Variants in PHACTR3 observed in about 807,000 individuals in gnomAD.
PHACTR3 encodes phosphatase and actin regulator 3.
In PHACTR3, 16 loss-of-function variants were observed where a neutral mutation model predicts 66.8. The ratio of observed to expected loss-of-function variants is 0.24; its 90% CI spans 0.16 to 0.36. The LOEUF (loss-of-function observed/expected upper bound fraction) is 0.36, where lower values mean the gene tolerates loss of function less well. Among genes scored for constraint, PHACTR3 ranks in the 10% least tolerant of loss-of-function variants. PHACTR3 has a pLI of 1.00. For synonymous variants in PHACTR3, 323 were observed against 292.1 expected (o/e 1.11, Z -1.08); for missense variants, 647 against 719.9 (o/e 0.90, Z 1.16).
intron 1 of PHACTR3, among the ~76,000 whole-genome samples, chr20:59,681,934 CA>C (rs1232290906): frequency 6.6e-6 from 1 of 151,752 alleles, no homozygotes; most frequent in East Asian, 1.9e-4. Context: ...CATTTGAACC[CA>C]GGGGGTGGAG....
intron 2 of PHACTR3, among the ~76,000 whole-genome samples, chr20:59,745,934 T>G (rs1010858263): frequency 6.6e-6 from 1 of 152,210 alleles, no homozygotes; most frequent in Admixed American, 6.5e-5. Context: ...TGTCTGAGGC[T>G]AGCCACCATG....
At chr20:59,789,530 G>A (rs756035814) in intron 7 of PHACTR3, among the ~76,000 whole-genome samples, 1 of 152,186 alleles carries the variant, frequency 6.6e-6, no homozygotes, top group Non-Finnish European at 1.5e-5. Context: ...CATACCTTAA[G>A]GCTTTGTTCA....
chr20:59,654,567 C>T (rs982344869), intron 1 of PHACTR3, among the ~76,000 whole-genome samples: 23 of 152,084 alleles, frequency 1.5e-4, no homozygotes, highest in Non-Finnish European at 2.4e-4. Flanking sequence ...TAAACCACTG[C>T]CTCTAAAGGA....
chr20:59,812,569 C>T (rs1030033902), intron 8 of PHACTR3, among the ~76,000 whole-genome samples: 8 of 152,190 alleles, frequency 5.3e-5, no homozygotes, highest in African/African-American at 9.7e-5. Flanking sequence ...ACAGTGTCCC[C>T]GCAGAGGCTG....
chr20:59,794,123 CAAAAAAAAAAA>C (rs71183186), intron 7 of PHACTR3, among the ~76,000 whole-genome samples: 6 of 97,858 alleles, frequency 6.1e-5, no homozygotes, highest in African/African-American at 2.2e-4. Context: ...GACTCCATCT[CAAAAAAAAAAA>C]AAAAAAAAAG....
chr20:59,745,319 A>G (rs2039327248), intron 2 of PHACTR3, among the ~76,000 whole-genome samples: 1 of 152,104 alleles, frequency 6.6e-6, no homozygotes. Flanking sequence ...TGCTGACCCC[A>G]GCAGTGGAAC....
chr20:59,847,233 T>TG lies in PHACTR3; in HGVS notation c.*104dup. 1.2e-6 allele frequency: 1 copy of TG among 823,288 alleles called. No homozygotes were observed. 51.0% of individuals were successfully genotyped at this position (823,288 alleles called of 1,614,324 possible). On this transcript the variant is annotated 3_prime_UTR_variant, in exon 13 of 13. Transcript: ENST00000371015. Reference sequence around the variant, plus strand: ...TTCAGCTCAAGACTACCCTACCTGCTGTGTTTGTGAGAAGAGTAGGATCAC... The same window carrying TG: ...TTCAGCTCAAGACTACCCTACCTGCTGGTGTTTGTGAGAAGAGTAGGATCAC...
At chr20:59,761,341 G>A (rs969432114) in intron 4 of PHACTR3, among the ~76,000 whole-genome samples, 5 of 152,108 alleles carry the variant, frequency 3.3e-5, no homozygotes, top group South Asian at 2.1e-4. Context: ...GCTGGGCACC[G>A]AGTGGAGGAA....
chr20:59,844,150 A>G (rs965865003), intron 11 of PHACTR3: 1 of 152,144 alleles, frequency 6.6e-6, no homozygotes, highest in Non-Finnish European at 1.5e-5. Context: ...TAGAATAGTT[A>G]TTAAAAAAAT....
intron 1 of PHACTR3, among the ~76,000 whole-genome samples, chr20:59,587,698 T>G (rs73914198): frequency 7.3e-4 from 111 of 152,288 alleles, no homozygotes; most frequent in African/African-American, 2.4e-3. Flanking sequence ...CTTGAGGCTG[T>G]AGGACTGAGG....
At chr20:59,775,989 A>T (rs950892699) in intron 7 of PHACTR3, among the ~76,000 whole-genome samples, 1 of 152,188 alleles carries the variant, frequency 6.6e-6, no homozygotes, top group Non-Finnish European at 1.5e-5. Flanking sequence ...AAATGTCTCC[A>T]GACTTGGCCA....
At chr20:59,618,538 T>G (rs1339776476) in intron 1 of PHACTR3, among the ~76,000 whole-genome samples, 2 of 152,286 alleles carry the variant, frequency 1.3e-5, no homozygotes, top group East Asian at 3.9e-4. Context: ...GGGACTACAT[T>G]GCCCGGAGGA....
intron 1 of PHACTR3, among the ~76,000 whole-genome samples, chr20:59,623,015 C>T (rs762722230): frequency 1.6e-3 from 36 of 23,164 alleles, no homozygotes; most frequent in Non-Finnish European, 3.1e-3. Context: ...AAATCTTCAG[C>T]AAACACTCAG....
In PHACTR3 at chr20:59,716,738, T is replaced by C. The variant is rs968929819; in HGVS notation, c.119-26369T>C. The stretch of plus-strand genomic sequence containing the variant: ...ATTATTTTTGTTTTAATGTCATTTG[T>C]TGTCACCAAATTGCGGGCTTCATGA... On this transcript the variant is annotated intron_variant, in intron 1 of 12. Coordinates refer to ENST00000371015, the MANE Select transcript of PHACTR3 (RefSeq NM_080672.5). Among the ~76,000 whole-genome samples the C allele has an allele frequency of 2.0e-5, 3 of 152,372 alleles. No individual in the cohort carries two copies. The South Asian group carries it at 6.2e-4, about 32-fold the overall frequency.
intron 7 of PHACTR3, among the ~76,000 whole-genome samples, chr20:59,786,743 C>G (rs547782393): frequency 6.6e-6 from 1 of 151,818 alleles, no homozygotes; most frequent in African/African-American, 2.4e-5. Flanking sequence ...CCATGGAGCT[C>G]TTTCTGTGCA....
chr20:59,689,478 G>T (rs2037023380), intron 1 of PHACTR3, among the ~76,000 whole-genome samples: 1 of 152,234 alleles, frequency 6.6e-6, no homozygotes, highest in Non-Finnish European at 1.5e-5. Context: ...AGGTGCCGCA[G>T]GGTCTGCCTG....
chr20:59,801,420 G>C (rs1449695102), intron 7 of PHACTR3, among the ~76,000 whole-genome samples: 1 of 152,194 alleles, frequency 6.6e-6, no homozygotes, highest in Non-Finnish European at 1.5e-5. Flanking sequence ...GTCCATGTTT[G>C]TCCACCTTGG....
chr20:59,723,572 G>A (rs1052700108), intron 1 of PHACTR3, among the ~76,000 whole-genome samples: 2 of 152,176 alleles, frequency 1.3e-5, no homozygotes, highest in African/African-American at 4.8e-5. Flanking sequence ...ATATTCACGT[G>A]CACATTTTTG....
intron 1 of PHACTR3, among the ~76,000 whole-genome samples, chr20:59,677,785 G>A (rs186910584): frequency 5.9e-5 from 9 of 152,300 alleles, no homozygotes; most frequent in African/African-American, 1.2e-4. Flanking sequence ...AATTATGTGC[G>A]TGTATAATGA....
Sources: gnomAD v4.1 joint callset for allele counts (sites outside exome capture counted in the v4.1 genomes callset) on GRCh38, gnomAD v4.1.1 for gene constraint, MANE v1.5 for transcripts, NCBI Gene and HGNC (gene_info 2026-07-23, HGNC 2026-07-21) for gene names.